ZSWIM7: variants seen among roughly 807,000 people sequenced by gnomAD.
ZSWIM7 encodes the protein zinc finger SWIM domain-containing protein 7.
A neutral mutation model predicts 21.1 loss-of-function variants in ZSWIM7; 22 were observed. The observed-to-expected ratio is 1.04, with a 90% confidence interval of 0.74 to 1.49. The LOEUF is 1.49. Ranked by LOEUF, ZSWIM7 falls within the 40% of genes most tolerant of loss-of-function variation. ZSWIM7 has a pLI of 0.00. For synonymous variants in ZSWIM7, 67 were observed against 66.5 expected, an observed-to-expected ratio of 1.01 and a Z score of -0.04; for missense variants, 193 against 168.0, an observed-to-expected ratio of 1.15 and a Z score of -0.82.
intron 1 of ZSWIM7, 144 bp downstream of exon 1, chr17:15,999,375 T>A: frequency 9.2e-7 from 1 of 1,088,522 alleles, no homozygotes. Flanking sequence ...TTTTTTGTCT[T>A]TTTACGAACA....
chr17:15,992,981 C>G (rs890420623), intron 2 of ZSWIM7, among the ~76,000 whole-genome samples: 3 of 152,094 alleles, frequency 2.0e-5, no homozygotes, highest in African/African-American at 7.2e-5. Context: ...CGGGTTCAAG[C>G]AATTCTCCTG....
chr17:15,989,199 A>G (rs1970452006), intron 2 of ZSWIM7, among the ~76,000 whole-genome samples: 1 of 152,212 alleles, frequency 6.6e-6, no homozygotes, highest in Non-Finnish European at 1.5e-5. Flanking sequence ...AAACTTTGAT[A>G]TGTGAGAAAA....
Position 15,977,981 on chromosome 17 carries a change from A to T in ZSWIM7, c.*66T>A. The T allele has an allele frequency of 2.3e-6, 3 of 1,279,574 alleles. No individual in the cohort carries two copies. Among genetic ancestry groups the T allele is most frequent in the Non-Finnish European group, 3.4e-6 (3 of 880,816 alleles). 79.3% of individuals were successfully genotyped at this position (1,279,574 alleles called of 1,614,324 possible). A position where few individuals can be genotyped will look rare whatever the true frequency, so the allele number is the denominator to read the frequency against. On this transcript the variant is annotated 3_prime_UTR_variant, in exon 5 of 5. Coordinates refer to ENST00000399277, the MANE Select transcript of ZSWIM7 (RefSeq NM_001042697.2). ...ATTTCACCTCTTTTCCATGTGAATC[A>T]TGACGCTTTCAATGCATTTCTTGAC...
At chr17:15,986,716 TAGG>T (rs963639241) in intron 3 of ZSWIM7, 1 of 152,064 alleles carries the variant, frequency 6.6e-6, no homozygotes, top group Admixed American at 6.6e-5. Flanking sequence ...AAATTTCAGT[TAGG>T]AGAAATAAGT....
chr17:15,987,467 CATTTTA>C (rs1467085106), intron 2 of ZSWIM7, 99 bp from the exon 3 acceptor site: 1 of 1,065,526 alleles, frequency 9.4e-7, no homozygotes, highest in African/African-American at 1.6e-5. Flanking sequence ...TTTAAAAATT[CATTTTA>C]ATTTTGAAAA....
chr17:15,999,538 C>T lies in ZSWIM7; in HGVS notation c.57G>A (p.Ala19=), dbSNP rs771172046. ...CCGTACTTCGCGCGCTCTCCTGCAC[C>T]GCCGCCGCCATCTCGCTCAGGAGCT... is the stretch of plus-strand genomic sequence containing the variant. The part of the protein sequence containing the change: ...VEELLSEMAA[A]VQESARIPDE... The change falls in exon 1 of 5, where the codon GCG becomes GCA. Residue 19 remains alanine (A), a synonymous_variant. Transcript: ENST00000399277. 6 of 1,600,232 alleles carry T rather than the reference C, an allele frequency of 3.7e-6. 1 individual carries two copies. The South Asian group carries it at 6.6e-5, about 18-fold the overall frequency.
chr17:15,995,434 A>AT (rs201097569), intron 1 of ZSWIM7, among the ~76,000 whole-genome samples: 2 of 151,800 alleles, frequency 1.3e-5, no homozygotes, highest in East Asian at 1.9e-4. Flanking sequence ...CGCCCAGCTA[A>AT]TTTTTTTAGT....
chr17:15,988,189 C>G lies in ZSWIM7; in HGVS notation c.99-821G>C, dbSNP rs1970439196. ...ATATTGTAGGCTTCTTTTTGCTGTT[C>G]CTGAAATAGCTCATGAAAAATAAAA... On this transcript the variant is annotated intron_variant, in intron 2 of 4. Coordinates refer to ENST00000399277, the MANE Select transcript of ZSWIM7 (RefSeq NM_001042697.2). Among the ~76,000 whole-genome samples, 4 of 151,964 alleles carry G rather than the reference C, an allele frequency of 2.6e-5. No homozygotes were observed. In the South Asian group the frequency reaches 8.3e-4, roughly 32 times the overall value.
chr17:15,982,197 CAT>C (rs1314277324), intron 3 of ZSWIM7, among the ~76,000 whole-genome samples: 2 of 152,114 alleles, frequency 1.3e-5, no homozygotes, highest in Non-Finnish European at 2.9e-5. Context: ...AAACAAGACA[CAT>C]CTGTAGTATG....
intron 2 of ZSWIM7, among the ~76,000 whole-genome samples, chr17:15,988,378 C>T (rs995384639): frequency 6.6e-6 from 1 of 152,086 alleles, no homozygotes; most frequent in Non-Finnish European, 1.5e-5. Context: ...TATGTATGGA[C>T]ATTGTTTCCA....
chr17:15,997,324 G>C (rs1296616046), intron 1 of ZSWIM7, among the ~76,000 whole-genome samples: 5 of 152,148 alleles, frequency 3.3e-5, no homozygotes. Flanking sequence ...GAAGGCTCTA[G>C]AGATGTCTTC....
At chr17:15,997,279 G>C (rs933951040) in intron 1 of ZSWIM7, among the ~76,000 whole-genome samples, 2 of 152,116 alleles carry the variant, frequency 1.3e-5, no homozygotes, top group Admixed American at 6.5e-5. Context: ...TCAGCAAACA[G>C]CCGAGAGATC....
At chr17:15,995,682 A>T (rs1222851643) in intron 1 of ZSWIM7, among the ~76,000 whole-genome samples, 2 of 152,078 alleles carry the variant, frequency 1.3e-5, no homozygotes, top group Admixed American at 1.3e-4. Context: ...GCAACACAGA[A>T]GCCACAGTAA....
chr17:15,997,452 A>G (rs964239694), intron 1 of ZSWIM7, among the ~76,000 whole-genome samples: 1 of 152,178 alleles, frequency 6.6e-6, no homozygotes, highest in Non-Finnish European at 1.5e-5. Context: ...CTAAATAAGC[A>G]CATAAACAAA....
intron 4 of ZSWIM7, among the ~76,000 whole-genome samples, chr17:15,979,617 G>C (rs1447753988): frequency 7.0e-6 from 1 of 143,270 alleles, no homozygotes; most frequent in Non-Finnish European, 1.5e-5. Context: ...CAGGCGGGGG[G>C]CTGACCCCCC....
chr17:15,998,734 G>A (rs1022904133), intron 1 of ZSWIM7, among the ~76,000 whole-genome samples: 4 of 150,048 alleles, frequency 2.7e-5, no homozygotes, highest in Admixed American at 2.7e-4. Flanking sequence ...TATGCATTTA[G>A]GTTTTGTGGC....
intron 2 of ZSWIM7, among the ~76,000 whole-genome samples, chr17:15,990,624 C>T (rs775786987): frequency 3.3e-5 from 5 of 152,102 alleles, no homozygotes; most frequent in African/African-American, 4.8e-5. Flanking sequence ...TTTTAAAGAA[C>T]TTATATGACT....
At position 15,999,685 on chromosome 17, in the gene ZSWIM7, G is replaced by A. The variant is rs1456483625; in HGVS notation, c.-91C>T. ...CTGTGGAGGATCCTGACCCCCCGCCGGGGCAGGGCGAGACGGAGTGACGTC... is the reference window on the plus strand; with the variant it reads ...CTGTGGAGGATCCTGACCCCCCGCCAGGGCAGGGCGAGACGGAGTGACGTC... On this transcript the variant is annotated 5_prime_UTR_variant, in exon 1 of 5. Coordinates refer to ENST00000399277, the MANE Select transcript of ZSWIM7 (RefSeq NM_001042697.2). 18 of 1,557,062 alleles carry A rather than the reference G, an allele frequency of 1.2e-5. No homozygotes were observed. The East Asian group carries it at 2.9e-4, about 25-fold the overall frequency.
chr17:15,983,344 CAAAAAAAAAAA>C (rs58918337), intron 3 of ZSWIM7, among the ~76,000 whole-genome samples: 1 of 44,604 alleles, frequency 2.2e-5, no homozygotes, highest in Non-Finnish European at 4.1e-5. Context: ...GACTCTGTCT[CAAAAAAAAAAA>C]AAAAAAAAAA....
Sources: gnomAD v4.1 joint callset for allele counts (sites outside exome capture counted in the v4.1 genomes callset) on GRCh38, gnomAD v4.1.1 for gene constraint, MANE v1.5 for transcripts, NCBI Gene and HGNC (gene_info 2026-07-23, HGNC 2026-07-21) for gene names.